Variants in EFHC2 observed in about 807,000 individuals in gnomAD.
EFHC2 encodes the protein EF-hand domain containing 2.
EFHC2 carries 18 observed loss-of-function variants against 52.7 expected under a neutral mutation model. The ratio of observed to expected loss-of-function variants is 0.34; its 90% confidence interval spans 0.24 to 0.51. The LOEUF is 0.51. EFHC2 is among the 20% of genes least tolerant of loss of function. The probability of loss-of-function intolerance (pLI) is 0.97; values close to 1 mark genes in which losing one functional copy is unlikely to be tolerated. For synonymous variants in EFHC2, 203 were observed against 204.1 expected, an observed-to-expected ratio of 0.99 and a Z score of 0.04; for missense variants, 513 against 562.5, an observed-to-expected ratio of 0.91 and a Z score of 0.89.
intron 8 of EFHC2, 108 bp downstream of exon 8, chrX:44,242,013 C>T: frequency 2.6e-6 from 2 of 784,159 alleles, no homozygotes; most frequent in Middle Eastern, 3.1e-4. Flanking sequence ...TCTCCCTGGA[C>T]TTGCAATTAG....
At chrX:44,283,433 C>T (rs1457792536) in intron 2 of EFHC2, among the ~76,000 whole-genome samples, 4 of 111,670 alleles carry the variant, frequency 3.6e-5, no homozygotes, top group Admixed American at 9.5e-5. Context: ...CCGCCCACCT[C>T]GGCCTCCCAA....
chrX:44,316,019 C>T (rs752370816), intron 1 of EFHC2, among the ~76,000 whole-genome samples: 1 of 111,488 alleles, frequency 9.0e-6, no homozygotes, highest in East Asian at 2.8e-4. Flanking sequence ...GATGAAGTCA[C>T]AGCCAGCCTT....
At chrX:44,333,534 C>T (rs1045043620) in intron 1 of EFHC2, among the ~76,000 whole-genome samples, 1 of 111,050 alleles carries the variant, frequency 9.0e-6, no homozygotes, top group African/African-American at 3.3e-5. Context: ...TGGTATCCTT[C>T]GCAATATTGA....
intron 10 of EFHC2, among the ~76,000 whole-genome samples, chrX:44,231,176 T>C (rs964998808): frequency 8.9e-6 from 1 of 112,035 alleles, no homozygotes; most frequent in Non-Finnish European, 1.9e-5. Context: ...AGGCCTCCTA[T>C]CAAGAGAGAC....
At chrX:44,305,336 T>G (rs2037898026) in intron 2 of EFHC2, among the ~76,000 whole-genome samples, 1 of 112,072 alleles carries the variant, frequency 8.9e-6, no homozygotes, top group Non-Finnish European at 1.9e-5. Flanking sequence ...TGCCAAATTT[T>G]TAATGAAGAT....
chrX:44,231,913 G>A (rs1259857917), intron 10 of EFHC2, among the ~76,000 whole-genome samples: 2 of 111,618 alleles, frequency 1.8e-5, no homozygotes, highest in Non-Finnish European at 3.8e-5. Context: ...GGCACTTGCA[G>A]TAACAGTACC....
intron 11 of EFHC2, among the ~76,000 whole-genome samples, chrX:44,221,204 A>G (rs2037191151): frequency 9.0e-6 from 1 of 111,508 alleles, no homozygotes; most frequent in African/African-American, 3.3e-5. Context: ...TACACTGGTT[A>G]TAAATATTTT....
intron 7 of EFHC2, among the ~76,000 whole-genome samples, chrX:44,246,007 C>T (rs1284457935): frequency 9.0e-6 from 1 of 111,467 alleles, no homozygotes; most frequent in African/African-American, 3.3e-5. Flanking sequence ...TTCTACTGAA[C>T]ACAATTATTG....
At chrX:44,341,365 T>C (rs7053831) in intron 1 of EFHC2, among the ~76,000 whole-genome samples, 37,852 of 111,590 alleles carry the variant, frequency 0.34, 4,874 homozygotes, top group South Asian at 0.47. Flanking sequence ...ACAGGTTCCA[T>C]GCAGTATTTG....
chrX:44,225,414 C>T (rs1429093548), intron 11 of EFHC2, among the ~76,000 whole-genome samples: 1 of 110,679 alleles, frequency 9.0e-6, no homozygotes, highest in Non-Finnish European at 1.9e-5. Flanking sequence ...CAGCTCCTAC[C>T]CTCAAAGTTT....
At chrX:44,200,768 A>C (rs1280797823) in intron 11 of EFHC2, among the ~76,000 whole-genome samples, 2 of 112,080 alleles carry the variant, frequency 1.8e-5, no homozygotes, top group African/African-American at 6.5e-5. Context: ...GAAGAATTAT[A>C]AATAGTCCCA....
intron 11 of EFHC2, among the ~76,000 whole-genome samples, chrX:44,199,095 C>T (rs780102882): frequency 2.7e-5 from 3 of 112,851 alleles, no homozygotes; most frequent in East Asian, 2.8e-4. Flanking sequence ...TAATCCCCAG[C>T]GTTGGAGGTG....
At chrX:44,293,348 G>A (rs2037806154) in intron 2 of EFHC2, among the ~76,000 whole-genome samples, 1 of 111,065 alleles carries the variant, frequency 9.0e-6, no homozygotes, top group South Asian at 3.8e-4. Context: ...TTCTGTTATG[G>A]ATGCATATGG....
chrX:44,206,165 A>C (rs2037046834), intron 11 of EFHC2, among the ~76,000 whole-genome samples: 1 of 111,988 alleles, frequency 8.9e-6, no homozygotes, highest in South Asian at 3.7e-4. Context: ...ATTATTTGAA[A>C]CAAATGAAAA....
intron 1 of EFHC2, among the ~76,000 whole-genome samples, chrX:44,339,333 T>G (rs1268049958): frequency 8.9e-6 from 1 of 112,133 alleles, no homozygotes; most frequent in Non-Finnish European, 1.9e-5. Flanking sequence ...AATTTTAATA[T>G]TTTCAATTTT....
intron 11 of EFHC2, among the ~76,000 whole-genome samples, chrX:44,219,597 C>A: frequency 9.0e-6 from 1 of 111,324 alleles, no homozygotes; most frequent in East Asian, 2.8e-4. Flanking sequence ...GCCAAATTTT[C>A]TGGATGTTTT....
chrX:44,226,554 C>T (rs1419524110), intron 11 of EFHC2, among the ~76,000 whole-genome samples: 1 of 110,920 alleles, frequency 9.0e-6, no homozygotes, highest in Non-Finnish European at 1.9e-5. Context: ...AAGAGACATG[C>T]GAGGGGGAAA....
At position 44,307,750 on chromosome X, in the gene EFHC2, A is replaced by G. The variant is rs192275374; in HGVS notation, c.231+4818T>C. On this transcript the variant is annotated intron_variant, in intron 2 of 14. Coordinates refer to ENST00000420999, the MANE Select transcript of EFHC2 (RefSeq NM_025184.4). ...GGAGTTCGAGACCAGCCTGACCAAC[A>G]TGGTGAAACTCCATCTCCACTAAAA... 1.7e-3 allele frequency among the ~76,000 whole-genome samples: 184 copies of G among 110,863 alleles called. 1 individual carries two copies. Among genetic ancestry groups the G allele is most frequent in the African/African-American group, 5.2e-3 (160 of 30,481 alleles).
chrX:44,178,022 T>C (rs187975943), intron 12 of EFHC2, among the ~76,000 whole-genome samples: 1 of 107,801 alleles, frequency 9.3e-6, no homozygotes, highest in East Asian at 2.9e-4. Flanking sequence ...TCCCAACTAC[T>C]CAGGAGGCTG....
Sources: gnomAD v4.1 joint callset for allele counts (sites outside exome capture counted in the v4.1 genomes callset) on GRCh38, gnomAD v4.1.1 for gene constraint, MANE v1.5 for transcripts, NCBI Gene and HGNC (gene_info 2026-07-23, HGNC 2026-07-21) for gene names.